The following GALNT13 variants were observed in gnomAD, a reference collection of about 807,000 sequenced individuals.
The protein encoded by GALNT13 is polypeptide N-acetylgalactosaminyltransferase 13.
A neutral mutation model predicts 64.2 loss-of-function variants in GALNT13; 28 were observed. The ratio of observed to expected loss-of-function variants is 0.44; its 90% CI spans 0.32 to 0.60. GALNT13 has a LOEUF of 0.60. Among genes scored for constraint, GALNT13 ranks in the 20% least tolerant of loss-of-function variants. The pLI is 0.05. For synonymous variants in GALNT13, 214 were observed against 224.6 expected (o/e 0.95, Z 0.42); for missense variants, 577 against 669.8 (o/e 0.86, Z 1.53).
intron 2 of GALNT13, among the ~76,000 whole-genome samples, chr2:153,905,725 G>A (rs542055544): frequency 2.0e-5 from 3 of 152,084 alleles, no homozygotes; most frequent in East Asian, 1.9e-4. Context: ...GCTTAGCAAC[G>A]TGAGCAAACA....
rs74874802 is a variant in GALNT13, at chr2:154,052,131, C to G, written c.143-88206C>G. ...CTTGAATAAAATCCAGATTCCTAAT[C>G]CTTCAGACTAACCTCCATGAGAGCA... On this transcript the variant is annotated intron_variant, in intron 3 of 12. Transcript: ENST00000392825. Among the ~76,000 whole-genome samples, 39 of 152,252 alleles carry G rather than the reference C, an allele frequency of 2.6e-4. No homozygotes were observed. In the East Asian group the frequency reaches 4.1e-3, roughly 16 times the overall value.
the GALNT13 span, among the ~76,000 whole-genome samples, chr2:153,726,656 G>A: frequency 3.3e-5 from 5 of 151,914 alleles, no homozygotes; most frequent in African/African-American, 1.2e-4. Context: ...TAAGAAACAC[G>A]TATGGCCGGG....
chr2:154,177,851 G>A (rs1685739056), intron 4 of GALNT13, among the ~76,000 whole-genome samples: 1 of 152,120 alleles, frequency 6.6e-6, no homozygotes, highest in Admixed American at 6.5e-5. Flanking sequence ...GTGTAATTCT[G>A]CAGCTGAGTA....
intron 11 of GALNT13, among the ~76,000 whole-genome samples, chr2:154,418,319 C>T (rs1700109422): frequency 5.3e-5 from 8 of 152,012 alleles, no homozygotes; most frequent in Admixed American, 5.2e-4. Flanking sequence ...ATGTTCTAAC[C>T]CCTGGAGCCT....
the GALNT13 span, among the ~76,000 whole-genome samples, chr2:153,197,348 G>T: frequency 1.3e-5 from 2 of 152,214 alleles, no homozygotes; most frequent in South Asian, 2.1e-4. Flanking sequence ...CTGGTATCAG[G>T]TTCTTCCAAA....
intron 9 of GALNT13, among the ~76,000 whole-genome samples, chr2:154,319,200 G>A (rs1694488067): frequency 6.6e-6 from 1 of 152,122 alleles, no homozygotes; most frequent in African/African-American, 2.4e-5. Context: ...GAAGTTAAAA[G>A]TACATAAAAT....
chr2:153,223,081 G>C, the GALNT13 span, among the ~76,000 whole-genome samples: 1 of 152,210 alleles, frequency 6.6e-6, no homozygotes, highest in Non-Finnish European at 1.5e-5. Flanking sequence ...CGCCGCTGCC[G>C]TCATTTAAAT....
chr2:154,373,589 T>G (rs2105316133), intron 9 of GALNT13, among the ~76,000 whole-genome samples: 1 of 152,314 alleles, frequency 6.6e-6, no homozygotes, highest in Middle Eastern at 3.4e-3. Context: ...ACTGGACTTT[T>G]TGCCCTCAAA....
At chr2:153,494,339 G>A in the GALNT13 span, among the ~76,000 whole-genome samples, 3 of 152,076 alleles carry the variant, frequency 2.0e-5, no homozygotes, top group East Asian at 5.8e-4. Context: ...GAATACTGCG[G>A]GCAATTTAGA....
chr2:153,193,537 G>A, the GALNT13 span, among the ~76,000 whole-genome samples: 2,270 of 151,882 alleles, frequency 0.015, 216 homozygotes, highest in East Asian at 0.28. Flanking sequence ...CACGGCACAT[G>A]TATACATATG....
At chr2:153,174,674 A>G in the GALNT13 span, among the ~76,000 whole-genome samples, 1 of 152,148 alleles carries the variant, frequency 6.6e-6, no homozygotes, top group Non-Finnish European at 1.5e-5. Context: ...CATCACTATA[A>G]GTTCTATTTT....
the GALNT13 span, among the ~76,000 whole-genome samples, chr2:153,124,980 A>G: frequency 3.9e-5 from 6 of 152,328 alleles, no homozygotes; most frequent in African/African-American, 9.6e-5. Flanking sequence ...CTATCGTTGT[A>G]TTAATAGCTT....
At chr2:153,801,262 CT>C in the GALNT13 span, among the ~76,000 whole-genome samples, 2 of 150,428 alleles carry the variant, frequency 1.3e-5, no homozygotes, top group African/African-American at 4.9e-5. Flanking sequence ...AAAATTTTTC[CT>C]TTACATTCAC....
the GALNT13 span, among the ~76,000 whole-genome samples, chr2:153,858,613 T>C: frequency 3.3e-5 from 5 of 152,212 alleles, no homozygotes; most frequent in Admixed American, 2.6e-4. Flanking sequence ...ACAATTGCTC[T>C]ATTTAATTAT....
chr2:153,491,583 T>C, the GALNT13 span, among the ~76,000 whole-genome samples: 3,518 of 148,680 alleles, frequency 0.024, 131 homozygotes, highest in East Asian at 0.086. Context: ...GAAACACACC[T>C]AAACCATATT....
At chr2:153,106,076 C>A in the GALNT13 span, among the ~76,000 whole-genome samples, 2 of 152,058 alleles carry the variant, frequency 1.3e-5, no homozygotes, top group Non-Finnish European at 1.5e-5. Context: ...TTTCTAGGCA[C>A]CCCACAGACA....
chr2:153,255,865 G>A, the GALNT13 span, among the ~76,000 whole-genome samples: 3 of 152,122 alleles, frequency 2.0e-5, no homozygotes, highest in African/African-American at 7.2e-5. Context: ...TCCCTTTGTG[G>A]GTAACTTCAC....
the GALNT13 span, among the ~76,000 whole-genome samples, chr2:153,611,600 A>G: frequency 6.9e-6 from 1 of 145,020 alleles, no homozygotes; most frequent in Non-Finnish European, 1.5e-5. Flanking sequence ...ACCTCCAGTG[A>G]TCTGCCTTCC....
chr2:154,084,195 A>G (rs924634524), intron 3 of GALNT13, among the ~76,000 whole-genome samples: 2 of 151,924 alleles, frequency 1.3e-5, no homozygotes, highest in Admixed American at 1.3e-4. Context: ...GTAAAAGGTT[A>G]AAGAACTTTA....
Sources: gnomAD v4.1 joint callset for allele counts (sites outside exome capture counted in the v4.1 genomes callset) on GRCh38, gnomAD v4.1.1 for gene constraint, MANE v1.5 for transcripts, NCBI Gene and HGNC (gene_info 2026-07-23, HGNC 2026-07-21) for gene names.